Variants in AKAP13 observed in about 807,000 individuals in gnomAD.
AKAP13 encodes A-kinase anchor protein 13.
AKAP13 carries 80 observed loss-of-function variants against 264.5 expected under a neutral mutation model. The observed-to-expected ratio is 0.30, with a 90% CI of 0.25 to 0.36. The LOEUF is 0.36. Among genes scored for constraint, AKAP13 ranks in the 10% least tolerant of loss-of-function variants. AKAP13 has a pLI of 1.00. For missense variants in AKAP13, 3,712 were observed against 3,435.2 expected, an observed-to-expected ratio of 1.08 and a Z score of -2.01; for synonymous variants, 1,380 against 1,250.2, an observed-to-expected ratio of 1.10 and a Z score of -2.19.
At position 85,655,502 on chromosome 15, in the gene AKAP13, A is replaced by G. The variant is rs977179036; in HGVS notation, c.4460A>G (p.His1487Arg). Residue 1487 changes from histidine (H) to arginine (R), a missense_variant, in exon 11 of 37, where the codon CAT becomes CGT. Physicochemically the swap from His to Arg is conservative, Grantham distance 29 (BLOSUM62 0). Around this residue, in one of 3 missense-constraint regions of AKAP13, gnomAD observed 2,759 missense variants for 2,411.7 expected, o/e 1.14. Coordinates refer to ENST00000394518, the MANE Select transcript of AKAP13 (RefSeq NM_007200.5). Reference sequence around the variant, plus strand: ...GCTTCACTGGACCGACATTCTTCTCATGGCAGTGATGTGTCTCTCTCCCAG... The same window carrying G: ...GCTTCACTGGACCGACATTCTTCTCGTGGCAGTGATGTGTCTCTCTCCCAG... ...DTASLDRHSS[H>R]GSDVSLSQIL... is the part of the protein sequence containing the mutation. 5 of 1,614,126 alleles carry G rather than the reference A, an allele frequency of 3.1e-6. No homozygotes were observed. Among genetic ancestry groups the G allele is most frequent in the Non-Finnish European group, 4.2e-6 (5 of 1,179,972 alleles).
rs1567230724 is a variant in AKAP13 at position 85,747,078 on chromosome 15, C to T, written c.*2401C>T. 6.6e-6 allele frequency: 1 copy of T among 152,198 alleles called. No homozygotes were observed. The highest frequency in any genetic ancestry group is 1.9e-4 in the East Asian group (1 of 5,200). 9.4% of individuals were successfully genotyped at this position (152,198 alleles called of 1,614,324 possible). A position where few individuals can be genotyped will look rare whatever the true frequency, so the allele number is the denominator to read the frequency against. On this transcript the variant is annotated 3_prime_UTR_variant, in exon 37 of 37. Transcript: ENST00000394518. ...AGATTTCACATCTGCCCAGACCCCA[C>T]TCAAAACGATTTGGTCAGGTTCTGG... is the stretch of plus-strand genomic sequence containing the variant.
Position 85,719,394 on chromosome 15 carries a change from C to G in AKAP13, c.6252+68C>G, listed in dbSNP as rs917377091. The stretch of plus-strand genomic sequence containing the variant: ...AAAGGGAAGTCATGGGGTTCCACAG[C>G]CATGCATTCACATCTTCTTTCTACC... On this transcript the variant is annotated intron_variant, in intron 23 of 36. Coordinates refer to ENST00000394518, the MANE Select transcript of AKAP13 (RefSeq NM_007200.5). 7 of 1,561,198 alleles carry G rather than the reference C, an allele frequency of 4.5e-6. No individual in the cohort carries two copies. The African/African-American group carries it at 6.8e-5, about 15-fold the overall frequency.
At chr15:85,489,777 CA>C (rs1305800314) in intron 2 of AKAP13, among the ~76,000 whole-genome samples, 1 of 152,140 alleles carries the variant, frequency 6.6e-6, no homozygotes, top group East Asian at 1.9e-4. Context: ...GAATACGTTG[CA>C]ATAGTTAAAA....
intron 1 of AKAP13, among the ~76,000 whole-genome samples, chr15:85,459,210 T>A (rs2074407853): frequency 6.6e-6 from 1 of 152,140 alleles, no homozygotes; most frequent in South Asian, 2.1e-4. Flanking sequence ...TTTCTTTCCT[T>A]CGTCTCACTC....
At chr15:85,550,246 C>T (rs1172428590) in intron 5 of AKAP13, among the ~76,000 whole-genome samples, 2 of 152,102 alleles carry the variant, frequency 1.3e-5, no homozygotes, top group Non-Finnish European at 1.5e-5. Context: ...AAACTGAGGC[C>T]AGAGAGGTAA....
At chr15:85,684,648 A>G in intron 15 of AKAP13, 93 bp from the exon 16 acceptor site, 1 of 1,376,646 alleles carries the variant, frequency 7.3e-7, no homozygotes, top group East Asian at 2.4e-5. Context: ...ATAAAAAGCC[A>G]TTCAGCAGCC....
At chr15:85,578,506 C>G (rs1381096977) in intron 6 of AKAP13, among the ~76,000 whole-genome samples, 3 of 152,000 alleles carry the variant, frequency 2.0e-5, no homozygotes, top group Non-Finnish European at 4.4e-5. Flanking sequence ...CACCACTACG[C>G]CCAGCTAATT....
intron 17 of AKAP13, chr15:85,702,711 T>C (rs2151671893): frequency 6.6e-6 from 1 of 152,306 alleles, no homozygotes; most frequent in Middle Eastern, 3.4e-3. Flanking sequence ...GTTATGATGG[T>C]TTATACAAGA....
chr15:85,393,406 A>G (rs776175203), intron 1 of AKAP13, among the ~76,000 whole-genome samples: 1 of 152,190 alleles, frequency 6.6e-6, no homozygotes, highest in African/African-American at 2.4e-5. Context: ...CTCTTCAGGG[A>G]TTAAAGGCAT....
At chr15:85,427,714 G>T (rs1269498037) in intron 1 of AKAP13, among the ~76,000 whole-genome samples, 1 of 152,162 alleles carries the variant, frequency 6.6e-6, no homozygotes, top group Admixed American at 6.5e-5. Context: ...CTGCATTTGG[G>T]TCTACAAAAC....
intron 19 of AKAP13, among the ~76,000 whole-genome samples, chr15:85,711,980 G>A (rs1285664103): frequency 6.6e-6 from 1 of 152,138 alleles, no homozygotes; most frequent in Non-Finnish European, 1.5e-5. Context: ...CTCCAGGTGT[G>A]CGCCGCTATG....
chr15:85,489,711 A>G lies in AKAP13; in HGVS notation c.33+3958A>G, dbSNP rs536128622. Among the ~76,000 whole-genome samples, 17 of 152,366 alleles carry G rather than the reference A, an allele frequency of 1.1e-4. No homozygotes were observed. The South Asian group carries it at 3.5e-3, about 32-fold the overall frequency. ...GAACTTTTATCTGTCAGTTAAGACA[A>G]ATAGGCTGGACTCCAAATAAATATT... On this transcript the variant is annotated intron_variant, in intron 2 of 36. Transcript: ENST00000394518.
intron 1 of AKAP13, among the ~76,000 whole-genome samples, chr15:85,381,007 C>T (rs1200997221): frequency 2.0e-5 from 3 of 152,074 alleles, no homozygotes; most frequent in Non-Finnish European, 4.4e-5. Context: ...CCCTGCGCAT[C>T]GCCCTTCTCC....
intron 1 of AKAP13, among the ~76,000 whole-genome samples, chr15:85,453,681 G>C (rs1436034596): frequency 6.6e-6 from 1 of 152,058 alleles, no homozygotes; most frequent in East Asian, 1.9e-4. Flanking sequence ...TTCAGCCCTC[G>C]GTTGCCTCAG....
intron 1 of AKAP13, among the ~76,000 whole-genome samples, chr15:85,410,076 G>A (rs2071886156): frequency 6.6e-6 from 1 of 151,574 alleles, no homozygotes; most frequent in African/African-American, 2.4e-5. Flanking sequence ...TTTGAAAAAG[G>A]GTTGGTATTC....
intron 5 of AKAP13, among the ~76,000 whole-genome samples, chr15:85,554,317 C>CT (rs1353876497): frequency 6.6e-6 from 1 of 152,138 alleles, no homozygotes; most frequent in Non-Finnish European, 1.5e-5. Context: ...TTCTTAGGAG[C>CT]TTAGATATCT....
intron 1 of AKAP13, among the ~76,000 whole-genome samples, chr15:85,394,784 A>G (rs2071034721): frequency 6.6e-6 from 1 of 152,150 alleles, no homozygotes; most frequent in South Asian, 2.1e-4. Flanking sequence ...GTTCTGTGAA[A>G]TGGTATTTGC....
intron 2 of AKAP13, among the ~76,000 whole-genome samples, chr15:85,492,128 A>T (rs932827366): frequency 1.3e-5 from 2 of 152,240 alleles, no homozygotes; most frequent in South Asian, 4.1e-4. Flanking sequence ...ACTTAATATT[A>T]TAGAGACTTG....
chr15:85,397,841 CTTGA>C (rs1393956279), intron 1 of AKAP13, among the ~76,000 whole-genome samples: 2 of 152,136 alleles, frequency 1.3e-5, no homozygotes, highest in African/African-American at 4.8e-5. Context: ...GATTTTGTTT[CTTGA>C]TTGATAGGCA....
Sources: gnomAD v4.1 joint callset for allele counts (sites outside exome capture counted in the v4.1 genomes callset) on GRCh38, gnomAD v4.1.1 for gene constraint, gnomAD v4.1.1 regional missense constraint, MANE v1.5 for transcripts, NCBI Gene and HGNC (gene_info 2026-07-23, HGNC 2026-07-21) for gene names.